The following OSBPL9 variants were observed in gnomAD, a reference collection of about 807,000 sequenced individuals.
OSBPL9 encodes oxysterol-binding protein-related protein 9.
In OSBPL9, 40 loss-of-function variants were observed where a neutral mutation model predicts 106.6. The ratio of observed to expected loss-of-function variants is 0.38; its 90% confidence interval spans 0.29 to 0.49. The LOEUF is 0.49. OSBPL9 is among the 20% of genes least tolerant of loss of function. OSBPL9 has a pLI of 0.97. For synonymous variants in OSBPL9, 269 were observed against 295.4 expected, an observed-to-expected ratio of 0.91 and a Z score of 0.92; for missense variants, 609 against 887.2, an observed-to-expected ratio of 0.69 and a Z score of 3.98.
chr1:51,661,702 A>G (rs1296793250), intron 2 of OSBPL9, among the ~76,000 whole-genome samples: 1 of 152,238 alleles, frequency 6.6e-6, no homozygotes, highest in African/African-American at 2.4e-5. Context: ...AGTATAACAA[A>G]TAACTTTTCT....
intron 21 of OSBPL9, 25 bp from the exon 22 acceptor site, chr1:51,786,501 C>G: frequency 6.7e-7 from 1 of 1,493,980 alleles, no homozygotes; most frequent in Non-Finnish European, 9.3e-7. Flanking sequence ...GGGTCTAGTT[C>G]CCATCCACCT....
chr1:51,786,541 G>A lies in OSBPL9; in HGVS notation c.1924G>A (p.Val642Ile), dbSNP rs1195467077. 1 of 1,607,952 alleles carries A rather than the reference G, an allele frequency of 6.2e-7. No individual in the cohort carries two copies. Reference sequence around the variant, plus strand: ...TGTTTTCTAGGAAAATACAGTCTTTGTAGATACCAAGAAGTTGCCTATAAT... The same window carrying A: ...TGTTTTCTAGGAAAATACAGTCTTTATAGATACCAAGAAGTTGCCTATAAT... Reference protein sequence around the residue: ...KYATGENTVFVDTKKLPIIKK... With the variant: ...KYATGENTVFIDTKKLPIIKK... The change falls in exon 22 of 24, where the codon GTA becomes ATA. Residue 642 changes from valine to isoleucine, a missense_variant. Val to Ile is a conservative substitution (Grantham distance 29). Coordinates refer to ENST00000428468, the MANE Select transcript of OSBPL9 (RefSeq NM_024586.6).
intron 8 of OSBPL9, among the ~76,000 whole-genome samples, chr1:51,754,904 T>TCAAGCAATCCTCCTGCCTC (rs1670004325): frequency 6.6e-6 from 1 of 152,152 alleles, no homozygotes; most frequent in Non-Finnish European, 1.5e-5. Flanking sequence ...ACTCCTGGGT[T>TCAAGCAATCCTCCTGCCTC]CAAGCAATCC....
At chr1:51,680,469 A>T (rs1652286222) in intron 3 of OSBPL9, among the ~76,000 whole-genome samples, 1 of 151,898 alleles carries the variant, frequency 6.6e-6, no homozygotes, top group Admixed American at 6.6e-5. Flanking sequence ...AGCCTAGCCA[A>T]CATGGTGAAA....
At chr1:51,551,920 A>G in the OSBPL9 span, among the ~76,000 whole-genome samples, 1 of 150,958 alleles carries the variant, frequency 6.6e-6, no homozygotes, top group African/African-American at 2.4e-5. Flanking sequence ...TTTCCGGGAT[A>G]GTGTTTATTT....
At chr1:51,743,330 A>T (rs532638718) in intron 4 of OSBPL9, among the ~76,000 whole-genome samples, 1 of 152,326 alleles carries the variant, frequency 6.6e-6, no homozygotes, top group Admixed American at 6.5e-5. Flanking sequence ...ATCTAGAGGC[A>T]AGTGTAAGAA....
intron 4 of OSBPL9, among the ~76,000 whole-genome samples, chr1:51,720,139 A>C (rs1417977215): frequency 1.3e-5 from 2 of 152,172 alleles, no homozygotes; most frequent in African/African-American, 4.8e-5. Context: ...AAATATGGGC[A>C]ATGAAGTAAC....
At chr1:51,606,875 G>C (rs554850017) in intron 2 of OSBPL9, among the ~76,000 whole-genome samples, 4 of 151,830 alleles carry the variant, frequency 2.6e-5, no homozygotes, top group South Asian at 2.1e-4. Flanking sequence ...GGTGAAACCC[G>C]GTCTCTCCTA....
At chr1:51,741,956 T>C (rs1178800860) in intron 4 of OSBPL9, among the ~76,000 whole-genome samples, 1 of 152,042 alleles carries the variant, frequency 6.6e-6, no homozygotes, top group Non-Finnish European at 1.5e-5. Flanking sequence ...CTGAAGGACC[T>C]GGACAAAAGA....
chr1:51,553,269 G>C, the OSBPL9 span, among the ~76,000 whole-genome samples: 3,933 of 152,210 alleles, frequency 0.026, 80 homozygotes, highest in Non-Finnish European at 0.039. Flanking sequence ...CCAACACTTT[G>C]GGAGGCTGAG....
chr1:51,680,220 A>T (rs1652221794), intron 3 of OSBPL9, among the ~76,000 whole-genome samples: 1 of 151,900 alleles, frequency 6.6e-6, no homozygotes, highest in Non-Finnish European at 1.5e-5. Context: ...TTGTCACTGC[A>T]CTCCAGCCTG....
intron 1 of OSBPL9, among the ~76,000 whole-genome samples, chr1:51,643,189 GAC>G (rs1645917071): frequency 6.6e-6 from 1 of 152,170 alleles, no homozygotes; most frequent in African/African-American, 2.4e-5. Flanking sequence ...CATCAAGGAG[GAC>G]AGAGTCCTCA....
At chr1:51,730,083 GA>G in intron 4 of OSBPL9, 1 of 1,264,436 alleles carries the variant, frequency 7.9e-7, no homozygotes, top group Non-Finnish European at 1.0e-6. Context: ...GCCGGAGCGC[GA>G]ATGTCGTGCT....
chr1:51,669,372 C>A, intron 2 of OSBPL9, 62 bp from the exon 3 acceptor site: 1 of 1,362,338 alleles, frequency 7.3e-7, no homozygotes, highest in Non-Finnish European at 1.0e-6. Flanking sequence ...AGGGCTATAG[C>A]AGTAGTGAAT....
the OSBPL9 span, chr1:51,519,311 C>T: frequency 1.3e-4 from 30 of 237,168 alleles, no homozygotes; most frequent in Admixed American, 2.6e-4. Context: ...AGGGAGCGGC[C>T]GCAGGCGAGG....
At chr1:51,665,749 G>A (rs1278066568) in intron 2 of OSBPL9, among the ~76,000 whole-genome samples, 4 of 152,174 alleles carry the variant, frequency 2.6e-5, no homozygotes, top group Admixed American at 6.5e-5. Flanking sequence ...TTAGAGAGGG[G>A]AAAGTGCAAA....
intron 1 of OSBPL9, among the ~76,000 whole-genome samples, chr1:51,650,484 G>A (rs1646445569): frequency 6.6e-6 from 1 of 152,094 alleles, no homozygotes; most frequent in Non-Finnish European, 1.5e-5. Context: ...TTCTTTCACT[G>A]TGTTATTAGT....
intron 12 of OSBPL9, among the ~76,000 whole-genome samples, chr1:51,770,137 ATTT>A (rs111908339): frequency 2.1e-5 from 3 of 141,274 alleles, no homozygotes; most frequent in African/African-American, 5.2e-5. Flanking sequence ...TGCCCAGCTA[ATTT>A]TTTTTTTTTT....
chr1:51,763,118 G>C (rs1047508956), intron 11 of OSBPL9, among the ~76,000 whole-genome samples: 1 of 152,096 alleles, frequency 6.6e-6, no homozygotes, highest in African/African-American at 2.4e-5. Context: ...TGATTCTCCT[G>C]CCTCAGCCTC....
Sources: allele counts gnomAD v4.1 joint callset (sites outside exome capture counted in the v4.1 genomes callset), GRCh38; gene constraint gnomAD v4.1.1; transcripts MANE v1.5; gene names NCBI Gene and HGNC (gene_info 2026-07-23, HGNC 2026-07-21).